Variants in UXS1 observed in about 807,000 individuals in gnomAD.
UXS1 encodes the protein UDP-glucuronic acid decarboxylase 1.
A neutral mutation model predicts 62.6 loss-of-function variants in UXS1; 33 were observed. That is an observed-to-expected ratio of 0.53 (90% CI 0.40 to 0.70). The LOEUF is 0.70. UXS1 is among the 30% of genes least tolerant of loss of function. The probability of loss-of-function intolerance (pLI) is 0.00; values close to 1 mark genes in which losing one functional copy is unlikely to be tolerated. For synonymous variants in UXS1, 213 were observed against 206.8 expected (o/e 1.03, Z -0.26); for missense variants, 434 against 556.3 (o/e 0.78, Z 2.21).
chr2:106,187,453 T>G (rs765102752), intron 1 of UXS1, among the ~76,000 whole-genome samples: 31 of 152,274 alleles, frequency 2.0e-4, no homozygotes, highest in Non-Finnish European at 4.0e-4. Flanking sequence ...CCCGAATGAA[T>G]TTATGAGGGC....
intron 6 of UXS1, 39 bp downstream of exon 6, chr2:106,145,151 C>A (rs779035261): frequency 3.8e-6 from 6 of 1,590,328 alleles, no homozygotes; most frequent in Non-Finnish European, 5.1e-6. Context: ...AGGCCACCTG[C>A]GGAGCTCTGA....
At chr2:106,097,166 C>T (rs1018372029) in intron 13 of UXS1, 2 of 475,438 alleles carry the variant, frequency 4.2e-6, no homozygotes, top group Admixed American at 2.3e-5. Context: ...CAGACGTGCC[C>T]ACCGAGCATG....
chr2:106,165,694 C>T (rs990299523), intron 2 of UXS1, among the ~76,000 whole-genome samples: 2 of 152,166 alleles, frequency 1.3e-5, no homozygotes, highest in African/African-American at 4.8e-5. Context: ...GCCATGGCTT[C>T]CCGAAGACAG....
rs184468174 is a variant in UXS1, at chr2:106,117,552, C to T, written c.760-4787G>A. Among the ~76,000 whole-genome samples, 9 of 152,284 alleles carry T rather than the reference C, an allele frequency of 5.9e-5. No individual in the cohort carries two copies. In the East Asian group the frequency reaches 1.5e-3, roughly 26 times the overall value. On this transcript the variant is annotated intron_variant, in intron 9 of 14. Transcript: ENST00000283148. ...AACACTGTAACGTGATCACTATATT[C>T]GCTGACGGAAGGTTCTATTGATAGA... is the stretch of plus-strand genomic sequence containing the variant.
In UXS1 at chr2:106,194,205, C is replaced by T. The variant is rs752696395; in HGVS notation, c.37G>A (p.Val13Ile). ...AGCAGCTTCATCCTCCTGCGGTTGA[C>T]GGCAGACACGAGGCGCAGCAGCGCC... ...SKALLRLVSA[V>I]NRRRMKLLLG... is the part of the protein sequence containing the mutation. The change falls in exon 1 of 15, where the codon GTC becomes ATC. Residue 13 changes from valine to isoleucine, a missense_variant. Transcript: ENST00000283148. The T allele has an allele frequency of 1.2e-5, 18 of 1,470,612 alleles. No homozygotes were observed. The South Asian group carries it at 2.0e-4, about 17-fold the overall frequency. The allele number at this position is 1,470,612 out of a possible 1,614,324, so 91.1% of individuals were successfully genotyped here.
At chr2:106,094,833 C>T (rs1420160399) in intron 14 of UXS1, among the ~76,000 whole-genome samples, 1 of 152,208 alleles carries the variant, frequency 6.6e-6, no homozygotes, top group Admixed American at 6.5e-5. Context: ...TGGGGCACCA[C>T]TGGGGGAGAA....
At chr2:106,188,311 G>A (rs1684707791) in intron 1 of UXS1, among the ~76,000 whole-genome samples, 1 of 152,154 alleles carries the variant, frequency 6.6e-6, no homozygotes, top group South Asian at 2.1e-4. Flanking sequence ...GTGAATATGG[G>A]GACATGGAGA....
intron 6 of UXS1, among the ~76,000 whole-genome samples, chr2:106,141,989 G>A (rs1323159432): frequency 6.6e-6 from 1 of 151,624 alleles, no homozygotes; most frequent in Non-Finnish European, 1.5e-5. Context: ...TCATGCCTCA[G>A]CCTCCTGAAT....
At chr2:106,096,259 T>C (rs1051398664) in intron 14 of UXS1, among the ~76,000 whole-genome samples, 1 of 151,952 alleles carries the variant, frequency 6.6e-6, no homozygotes, top group Non-Finnish European at 1.5e-5. Context: ...TCAGTGAGTG[T>C]GCGCATGTGA....
chr2:106,154,573 G>GA (rs1384654628), intron 5 of UXS1, among the ~76,000 whole-genome samples: 2 of 152,144 alleles, frequency 1.3e-5, no homozygotes, highest in African/African-American at 2.4e-5. Context: ...GAAAAGCATG[G>GA]AAAAAACTCC....
chr2:106,104,825 C>T lies in UXS1; in HGVS notation c.892G>A (p.Gly298Arg). ...QGEPLTVYGS[G>R]SQTRAFQYVS... ...TACTGGAACGCCCTTGTCTGAGACC[C>T]GGATCCGTATACCTGGAAGGAAACC... The change falls in exon 11 of 15, where the codon GGG becomes AGG. Residue 298 changes from glycine to arginine, a missense_variant. Gly to Arg is a moderately radical substitution (Grantham distance 125, BLOSUM62 -2). This residue lies in a region of UXS1 where 209 missense variants were observed against 233.3 expected (regional missense o/e 0.90). Transcript: ENST00000283148. 1 of 1,613,904 alleles carries T rather than the reference C, an allele frequency of 6.2e-7. No homozygotes were observed. Among genetic ancestry groups the T allele is most frequent in the Non-Finnish European group, 8.5e-7 (1 of 1,179,870 alleles).
chr2:106,192,312 T>C (rs188280524), intron 1 of UXS1, among the ~76,000 whole-genome samples: 116 of 152,330 alleles, frequency 7.6e-4, no homozygotes, highest in Admixed American at 2.5e-3. Flanking sequence ...CCCAGCACTT[T>C]GGGAGGCCGA....
intron 1 of UXS1, among the ~76,000 whole-genome samples, chr2:106,186,540 A>C (rs547984220): frequency 6.6e-6 from 1 of 152,258 alleles, no homozygotes; most frequent in Non-Finnish European, 1.5e-5. Context: ...ATGTTATGAG[A>C]AACAATCAAA....
Position 106,145,295 on chromosome 2 carries a change from C to A in UXS1, c.367G>T (p.Val123Leu). The change falls in exon 6 of 15, where the codon GTG becomes TTG. Residue 123 changes from valine (V) to leucine (L), a missense_variant. By Grantham distance (32) the Val-to-Leu change is conservative. Coordinates refer to ENST00000283148, the MANE Select transcript of UXS1 (RefSeq NM_001253875.2). ...LMMDGHEVTV[V>L]DNFFTGRKRN... ...TTCCTGCCCGTGAAGAAATTGTCCA[C>A]CACGGTCACCTCGTGGCCGTCCATC... The A allele has an allele frequency of 6.2e-7, 1 of 1,613,992 alleles. No homozygotes were observed. The highest frequency in any genetic ancestry group is 8.5e-7 in the Non-Finnish European group (1 of 1,179,882).
At chr2:106,178,650 A>G in intron 1 of UXS1, among the ~76,000 whole-genome samples, 1 of 152,148 alleles carries the variant, frequency 6.6e-6, no homozygotes, top group East Asian at 1.9e-4. Context: ...GTGTGTATAT[A>G]TAGCAGCTCC....
Position 106,122,839 on chromosome 2 carries a change from G to A in UXS1, c.759+131C>T, listed in dbSNP as rs1679627803. On this transcript the variant is annotated intron_variant, in intron 9 of 14. Coordinates refer to ENST00000283148, the MANE Select transcript of UXS1 (RefSeq NM_001253875.2). ...ATAATACCATTAATTTATAATACTG[G>A]GAAACTGAGCTTCCCAAACACCTAT... 6 of 1,214,336 alleles carry A rather than the reference G, an allele frequency of 4.9e-6. No individual in the cohort carries two copies. In the South Asian group the frequency reaches 9.9e-5, roughly 20 times the overall value. 75.2% of individuals were successfully genotyped at this position (1,214,336 alleles called of 1,614,324 possible). A position where few individuals can be genotyped will look rare whatever the true frequency, so the allele number is the denominator to read the frequency against.
intron 1 of UXS1, among the ~76,000 whole-genome samples, chr2:106,179,197 A>G (rs1684089505): frequency 6.6e-6 from 1 of 152,082 alleles, no homozygotes. Flanking sequence ...ATGTTCCTGG[A>G]CAGGATGCCC....
intron 6 of UXS1, chr2:106,138,066 GC>G (rs1680808157): frequency 3.8e-6 from 2 of 528,686 alleles, no homozygotes; most frequent in Non-Finnish European, 4.8e-6. Context: ...GACAAGGTAT[GC>G]AGGGAAAGAC....
At position 106,180,130 on chromosome 2, in the gene UXS1, C is replaced by T. The variant is rs114269133; in HGVS notation, c.94+14018G>A. Among the ~76,000 whole-genome samples the T allele has an allele frequency of 3.1e-3, 472 of 152,268 alleles. 2 individuals carry two copies. The highest frequency in any genetic ancestry group is 0.011 in the African/African-American group (446 of 41,544). On this transcript the variant is annotated intron_variant, in intron 1 of 14. Transcript: ENST00000283148. The stretch of plus-strand genomic sequence containing the variant: ...TCTCAAAAAAGAAAGATTTCCTCCA[C>T]ATATAAAGTAAAAAAGCAAAGCACA...
Sources: gnomAD v4.1 joint callset for allele counts (sites outside exome capture counted in the v4.1 genomes callset) on GRCh38, gnomAD v4.1.1 for gene constraint, gnomAD v4.1.1 regional missense constraint, MANE v1.5 for transcripts, NCBI Gene and HGNC (gene_info 2026-07-23, HGNC 2026-07-21) for gene names.